Variants in MRTFA observed in about 807,000 individuals in gnomAD.
The protein encoded by MRTFA is myocardin related transcription factor A.
Under a neutral mutation model 83.5 loss-of-function variants are expected in MRTFA, and 20 were observed. The observed-to-expected ratio is 0.24, with a 90% CI of 0.17 to 0.35. MRTFA has a LOEUF of 0.35. Ranked by LOEUF, MRTFA falls within the 10% of genes least tolerant of loss-of-function variation. The pLI, the probability that MRTFA is intolerant of heterozygous loss-of-function variation, is 1.00. For missense variants in MRTFA, 1,200 were observed against 1,224.7 expected (o/e 0.98, Z 0.30); for synonymous variants, 659 against 541.2 (o/e 1.22, Z -3.02).
At chr22:40,563,373 G>A (rs1443515737) in intron 2 of MRTFA, among the ~76,000 whole-genome samples, 1 of 151,922 alleles carries the variant, frequency 6.6e-6, no homozygotes, top group African/African-American at 2.4e-5. Flanking sequence ...CCATTCTACT[G>A]GTTTTTTTGT....
chr22:40,528,120 A>T (rs2055010687), intron 3 of MRTFA, among the ~76,000 whole-genome samples: 1 of 152,152 alleles, frequency 6.6e-6, no homozygotes, highest in Non-Finnish European at 1.5e-5. Flanking sequence ...AAGACCAGGG[A>T]ATACAGAGTA....
chr22:40,497,310 G>A (rs1402911903), intron 3 of MRTFA, among the ~76,000 whole-genome samples: 2 of 152,122 alleles, frequency 1.3e-5, no homozygotes, highest in Non-Finnish European at 2.9e-5. Flanking sequence ...GCAGAGGAAC[G>A]CACAAAAGCA....
intron 14 of MRTFA, among the ~76,000 whole-genome samples, chr22:40,413,068 C>T (rs2052594405): frequency 7.7e-6 from 1 of 129,092 alleles, no homozygotes; most frequent in Non-Finnish European, 1.6e-5. Flanking sequence ...ACCCGGGAGG[C>T]GGAGGTTGCA....
intron 2 of MRTFA, among the ~76,000 whole-genome samples, chr22:40,589,537 GA>G (rs908555498): frequency 6.6e-6 from 1 of 152,144 alleles, no homozygotes; most frequent in African/African-American, 2.4e-5. Flanking sequence ...GAGAAGACTG[GA>G]GGAAGGAATT....
At chr22:40,628,234 G>T (rs1409231109) in intron 1 of MRTFA, among the ~76,000 whole-genome samples, 2 of 152,148 alleles carry the variant, frequency 1.3e-5, no homozygotes, top group African/African-American at 4.8e-5. Context: ...ATCACAGGAA[G>T]GTTAAGGAGT....
intron 3 of MRTFA, among the ~76,000 whole-genome samples, chr22:40,540,824 CTG>C (rs145287390): frequency 0.079 from 11,900 of 150,046 alleles, 704 homozygotes; most frequent in East Asian, 0.24. Flanking sequence ...AAAAATTCCT[CTG>C]CATTCTCAAA....
At chr22:40,510,223 A>C (rs1227126114) in intron 3 of MRTFA, among the ~76,000 whole-genome samples, 2 of 152,208 alleles carry the variant, frequency 1.3e-5, no homozygotes, top group African/African-American at 4.8e-5. Context: ...TGATTGAATT[A>C]GTGGCTGGGG....
chr22:40,500,819 C>T (rs1286134878), intron 3 of MRTFA, among the ~76,000 whole-genome samples: 1 of 151,464 alleles, frequency 6.6e-6, no homozygotes, highest in Non-Finnish European at 1.5e-5. Context: ...GGCAACCATC[C>T]GATTTCTCAA....
chr22:40,519,583 G>C (rs1222868047), intron 3 of MRTFA: 2 of 1,341,888 alleles, frequency 1.5e-6, no homozygotes, highest in Non-Finnish European at 9.9e-7. Flanking sequence ...CAATCACGCT[G>C]ATTTGTTATA....
chr22:40,580,633 G>A lies in MRTFA; in HGVS notation c.-22+14041C>T, dbSNP rs573823680. Among the ~76,000 whole-genome samples the A allele has an allele frequency of 4.6e-5, 7 of 152,316 alleles. No homozygotes were observed. The South Asian group carries it at 1.4e-3, about 32-fold the overall frequency. ...AGAAAGAGAATATTGGAAGTAAGTT[G>A]AAAGTTTCCCTCTTCATTCCACTGT... is the stretch of plus-strand genomic sequence containing the variant. On this transcript the variant is annotated intron_variant, in intron 2 of 14. Coordinates refer to ENST00000355630, the MANE Select transcript of MRTFA (RefSeq NM_020831.6).
At chr22:40,448,107 C>CA (rs1178763472) in intron 4 of MRTFA, among the ~76,000 whole-genome samples, 1 of 152,140 alleles carries the variant, frequency 6.6e-6, no homozygotes, top group African/African-American at 2.4e-5. Context: ...GTCAAGAGAT[C>CA]AAGAGCATCC....
chr22:40,507,113 C>A (rs963321945), intron 3 of MRTFA, among the ~76,000 whole-genome samples: 2 of 152,142 alleles, frequency 1.3e-5, no homozygotes, highest in African/African-American at 4.8e-5. Flanking sequence ...GTAAAACCAG[C>A]AATTTGGGAG....
chr22:40,497,172 G>A (rs2054369672), intron 3 of MRTFA, among the ~76,000 whole-genome samples: 2 of 152,198 alleles, frequency 1.3e-5, no homozygotes, highest in Admixed American at 1.3e-4. Context: ...GGACAAAGAA[G>A]AGGGGACCTT....
At chr22:40,533,639 G>A (rs754643482) in intron 3 of MRTFA, 33 of 1,228,870 alleles carry the variant, frequency 2.7e-5, no homozygotes, top group Middle Eastern at 3.1e-4. Context: ...GAGTCATGAC[G>A]GATTCTTCCA....
intron 2 of MRTFA, among the ~76,000 whole-genome samples, chr22:40,564,192 A>C (rs1236567539): frequency 1.3e-5 from 2 of 152,214 alleles, no homozygotes; most frequent in Non-Finnish European, 2.9e-5. Context: ...GTATTCTGCT[A>C]ATAGAAATAG....
chr22:40,622,554 G>A (rs1197192424), intron 1 of MRTFA, among the ~76,000 whole-genome samples: 1 of 152,050 alleles, frequency 6.6e-6, no homozygotes, highest in African/African-American at 2.4e-5. Context: ...GGGAGGCAGA[G>A]ATATGACAAA....
intron 2 of MRTFA, chr22:40,587,258 CA>C (rs2056045051): frequency 4.1e-6 from 2 of 488,416 alleles, no homozygotes; most frequent in Admixed American, 2.2e-5. Flanking sequence ...ACTTTCAGTC[CA>C]AATGCAGAAA....
intron 1 of MRTFA, among the ~76,000 whole-genome samples, chr22:40,635,995 C>T (rs1230893509): frequency 6.6e-6 from 1 of 152,192 alleles, no homozygotes; most frequent in African/African-American, 2.4e-5. Flanking sequence ...TTCAGATTTG[C>T]AGAGCCCTGT....
intron 1 of MRTFA, among the ~76,000 whole-genome samples, chr22:40,602,658 G>A (rs1311583952): frequency 6.6e-6 from 1 of 150,736 alleles, no homozygotes; most frequent in Non-Finnish European, 1.5e-5. Context: ...GGCCAACATG[G>A]TGAAACCCCA....
Sources: allele counts gnomAD v4.1 joint callset (sites outside exome capture counted in the v4.1 genomes callset), GRCh38; gene constraint gnomAD v4.1.1; transcripts MANE v1.5; gene names NCBI Gene and HGNC (gene_info 2026-07-23, HGNC 2026-07-21).